ZNF638: variants seen among roughly 807,000 people sequenced by gnomAD.
ZNF638 encodes CTCL tumor antigen se33-1.
In ZNF638, 46 loss-of-function variants were observed where a neutral mutation model predicts 195.6. The ratio of observed to expected loss-of-function variants is 0.24; its 90% CI spans 0.19 to 0.30. The LOEUF is 0.30. Among genes scored for constraint, ZNF638 ranks in the 10% least tolerant of loss-of-function variants. The pLI, the probability that ZNF638 is intolerant of heterozygous loss-of-function variation, is 1.00. For synonymous variants in ZNF638, 845 were observed against 772.0 expected, an observed-to-expected ratio of 1.09 and a Z score of -1.57; for missense variants, 2,440 against 2,325.3, an observed-to-expected ratio of 1.05 and a Z score of -1.01.
chr2:71,334,086 CAAT>C, intron 1 of ZNF638, among the ~76,000 whole-genome samples: 1 of 152,220 alleles, frequency 6.6e-6, no homozygotes, highest in South Asian at 2.1e-4. Flanking sequence ...TAGAACTTAT[CAAT>C]ATATATTGTA....
At chr2:71,352,509 A>T (rs1252718882) in intron 2 of ZNF638, among the ~76,000 whole-genome samples, 3 of 148,738 alleles carry the variant, frequency 2.0e-5, no homozygotes, top group Admixed American at 6.7e-5. Context: ...AAAAAAAAAA[A>T]AGAAGAGGAG....
rs755481096 is a variant in ZNF638 at position 71,423,832 on chromosome 2, C to T, written c.4318C>T (p.Leu1440Phe). 1.9e-6 allele frequency: 3 copies of T among 1,614,122 alleles called. No homozygotes were observed. The highest frequency in any genetic ancestry group is 2.5e-6 in the Non-Finnish European group (3 of 1,180,016). The change falls in exon 22 of 28, where the codon CTT becomes TTT. Residue 1440 changes from leucine to phenylalanine, a missense_variant. Coordinates refer to ENST00000264447, the MANE Select transcript of ZNF638 (RefSeq NM_014497.5). ...ACTTTCAGCCAAGGAATTTGGTCTGCTTAAACCCACAAGTGCCAGGTCAGG... is the reference window on the plus strand; with the variant it reads ...ACTTTCAGCCAAGGAATTTGGTCTGTTTAAACCCACAAGTGCCAGGTCAGG... ...KKLSAKEFGL[L>F]KPTSARSGLA...
chr2:71,377,193 A>C (rs1475387825), intron 8 of ZNF638, among the ~76,000 whole-genome samples: 2 of 152,080 alleles, frequency 1.3e-5, no homozygotes, highest in East Asian at 3.9e-4. Context: ...TGAGCCTGGG[A>C]GGCGGAGGTT....
intron 1 of ZNF638, among the ~76,000 whole-genome samples, chr2:71,336,177 G>A (rs1182870147): frequency 1.3e-5 from 2 of 152,078 alleles, no homozygotes; most frequent in East Asian, 3.9e-4. Flanking sequence ...CTTAAGACCA[G>A]CCTGACCAAC....
chr2:71,431,788 A>G (rs1004142867), intron 26 of ZNF638, among the ~76,000 whole-genome samples: 1 of 152,076 alleles, frequency 6.6e-6, no homozygotes, highest in Non-Finnish European at 1.5e-5. Flanking sequence ...AAACACCATA[A>G]TAAGTATTCT....
intron 22 of ZNF638, 51 bp downstream of exon 22, chr2:71,424,089 CGCT>C: frequency 6.4e-7 from 1 of 1,568,444 alleles, no homozygotes; most frequent in Non-Finnish European, 8.6e-7. Flanking sequence ...TGATTAGCTC[CGCT>C]GCTGTAGCTA....
rs576474420 is a variant in ZNF638 at position 71,350,357 on chromosome 2, T to C, written c.1317+86T>C. The C allele has an allele frequency of 3.7e-6, 5 of 1,338,116 alleles. No individual in the cohort carries two copies. The Admixed American group carries it at 6.4e-5, about 17-fold the overall frequency. 82.9% of individuals were successfully genotyped at this position (1,338,116 alleles called of 1,614,324 possible). A position where few individuals can be genotyped will look rare whatever the true frequency, so the allele number is the denominator to read the frequency against. On this transcript the variant is annotated intron_variant, in intron 2 of 27. Coordinates refer to ENST00000264447, the MANE Select transcript of ZNF638 (RefSeq NM_014497.5). ...TCTGATATGTATGCTGCTTGTTAAC[T>C]AGGCGTTAAGGAAATGGCAGAAGGT...
rs370943989 is a variant in ZNF638 at position 71,423,468 on chromosome 2, G to A, written c.3954G>A (p.Lys1318=). The change falls in exon 22 of 28, where the codon AAG becomes AAA. Residue 1318 remains lysine (K), a synonymous_variant. Coordinates refer to ENST00000264447, the MANE Select transcript of ZNF638 (RefSeq NM_014497.5). ...DEKEEKEFNT[K]ETRMDLQIGT... is the part of the protein sequence containing the mutation. ...AGGAGGAGAAGGAATTTAATACTAA[G>A]GAAACCAGAATGGATCTTCAAATAG... The A allele has an allele frequency of 5.6e-6, 9 of 1,613,346 alleles. No individual in the cohort carries two copies. In the African/African-American group the frequency reaches 1.1e-4, roughly 19 times the overall value.
chr2:71,422,557 A>G (rs944655307), intron 21 of ZNF638, among the ~76,000 whole-genome samples: 1 of 152,198 alleles, frequency 6.6e-6, no homozygotes, highest in African/African-American at 2.4e-5. Context: ...GAGGAGGGAA[A>G]ATATTGGCTG....
intron 1 of ZNF638, chr2:71,333,002 C>T (rs1558821675): frequency 1.3e-5 from 2 of 152,004 alleles, no homozygotes; most frequent in African/African-American, 4.8e-5. Context: ...ATTATTTTTT[C>T]AGGGATGTTG....
intron 17 of ZNF638, among the ~76,000 whole-genome samples, chr2:71,404,352 C>A (rs1311579005): frequency 1.3e-5 from 2 of 152,028 alleles, no homozygotes; most frequent in Non-Finnish European, 2.9e-5. Flanking sequence ...CCTTGTAAAT[C>A]TTGTTTAACT....
chr2:71,425,915 A>C (rs2080530038), intron 23 of ZNF638, among the ~76,000 whole-genome samples: 1 of 152,116 alleles, frequency 6.6e-6, no homozygotes, highest in African/African-American at 2.4e-5. Flanking sequence ...TCAGCCTCCC[A>C]AAGTGCTGGG....
chr2:71,432,535 A>T (rs182810235), intron 26 of ZNF638, among the ~76,000 whole-genome samples: 1 of 152,296 alleles, frequency 6.6e-6, no homozygotes, highest in East Asian at 1.9e-4. Context: ...TTCTTATCTA[A>T]TGACTTGGTA....
intron 20 of ZNF638, among the ~76,000 whole-genome samples, chr2:71,412,005 T>A (rs1171810051): frequency 1.7e-5 from 2 of 114,524 alleles, no homozygotes; most frequent in Non-Finnish European, 3.6e-5. Context: ...ATGGGATGGC[T>A]GGGTCAAATG....
chr2:71,344,338 G>A (rs2078816314), intron 1 of ZNF638, among the ~76,000 whole-genome samples: 1 of 152,134 alleles, frequency 6.6e-6, no homozygotes, highest in Non-Finnish European at 1.5e-5. Flanking sequence ...ATGTACTATA[G>A]TTTATTTGAC....
rs2079891930 is a variant in ZNF638, at chr2:71,396,256, G to A, written c.2428+65G>A. 3 of 1,317,554 alleles carry A rather than the reference G, an allele frequency of 2.3e-6. No individual in the cohort carries two copies. The South Asian group carries it at 3.8e-5, about 17-fold the overall frequency. The allele number at this position is 1,317,554 out of a possible 1,614,324, so 81.6% of individuals were successfully genotyped here. ...ACTTTAATGTATTTTAAAATCGTAT[G>A]GCAGTAGTAGTCTTGGATTTCACAT... On this transcript the variant is annotated intron_variant, in intron 11 of 27. Transcript: ENST00000264447.
chr2:71,340,968 G>T (rs2078753482), intron 1 of ZNF638, among the ~76,000 whole-genome samples: 1 of 152,168 alleles, frequency 6.6e-6, no homozygotes, highest in Admixed American at 6.6e-5. Context: ...TTCCTTATAA[G>T]TCTGATGGAG....
At chr2:71,432,733 A>G (rs1405257480) in intron 26 of ZNF638, among the ~76,000 whole-genome samples, 2 of 152,244 alleles carry the variant, frequency 1.3e-5, no homozygotes, top group Non-Finnish European at 2.9e-5. Flanking sequence ...CCCTAAATTT[A>G]TAGCAGTGTG....
intron 10 of ZNF638, among the ~76,000 whole-genome samples, chr2:71,390,133 G>A (rs1428168308): frequency 1.3e-5 from 2 of 151,970 alleles, no homozygotes; most frequent in Admixed American, 1.3e-4. Flanking sequence ...GGGAAACGTT[G>A]GGCAAATCAG....
Sources: gnomAD v4.1 joint callset for allele counts (sites outside exome capture counted in the v4.1 genomes callset) on GRCh38, gnomAD v4.1.1 for gene constraint, MANE v1.5 for transcripts, NCBI Gene and HGNC (gene_info 2026-07-23, HGNC 2026-07-21) for gene names.